ATRIP: variants seen among roughly 807,000 people sequenced by gnomAD.
ATRIP encodes ATR interacting protein.
A neutral mutation model predicts 78.1 loss-of-function variants in ATRIP; 44 were observed. That is an observed-to-expected ratio of 0.56 (90% CI 0.44 to 0.72). The LOEUF (loss-of-function observed/expected upper bound fraction) is 0.72. ATRIP is among the 30% of genes least tolerant of loss of function. ATRIP has a pLI of 0.00. For missense variants in ATRIP, 927 were observed against 980.2 expected (o/e 0.95, Z 0.72); for synonymous variants, 388 against 408.9 (o/e 0.95, Z 0.62).
chr3:48,448,518 A>G (rs1356916439), intron 1 of ATRIP, among the ~76,000 whole-genome samples: 1 of 152,176 alleles, frequency 6.6e-6, no homozygotes, highest in Non-Finnish European at 1.5e-5. Flanking sequence ...ATAATTTCTT[A>G]TTTCTTCTAG....
intron 2 of ATRIP, chr3:48,450,560 AT>A (rs1297261824): frequency 7.8e-7 from 1 of 1,280,024 alleles, no homozygotes; most frequent in East Asian, 5.6e-5. Flanking sequence ...AATATGTGGA[AT>A]TTTAGTTGTG....
Position 48,464,633 on chromosome 3 carries a change from A to G in ATRIP, c.2026A>G (p.Thr676Ala). 1 of 1,614,146 alleles carries G rather than the reference A, an allele frequency of 6.2e-7. No homozygotes were observed. Among genetic ancestry groups the G allele is most frequent in the Non-Finnish European group, 8.5e-7 (1 of 1,180,008 alleles). ...LGVQSPLPPVTGSNCQCNVEV... is the reference protein window; with the variant it reads ...LGVQSPLPPVAGSNCQCNVEV... Reference sequence around the variant, plus strand: ...TGTGCAGAGCCCCTTGCCCCCAGTCACTGGCTCCAACTGCCAGTGTAATGT... The same window carrying G: ...TGTGCAGAGCCCCTTGCCCCCAGTCGCTGGCTCCAACTGCCAGTGTAATGT... Residue 676 changes from threonine (T) to alanine (A), a missense_variant, in exon 11 of 13, where the codon ACT becomes GCT. Physicochemically the swap from Thr to Ala is moderately conservative, Grantham distance 58. Coordinates refer to ENST00000320211, the MANE Select transcript of ATRIP (RefSeq NM_130384.3).
In ATRIP at chr3:48,464,941, C is replaced by T; in HGVS notation, c.2166C>T (p.Asp722=). ...QQRRTVRCLR[D]TVLLLHGLSQ... ...GGCGGACAGTGCGCTGTCTGCGGGA[C>T]ACGGTGCTGCTGCTGCACGGCCTAT... is the stretch of plus-strand genomic sequence containing the variant. The change falls in exon 12 of 13, where the codon GAC becomes GAT. Residue 722 remains aspartate (D), a synonymous_variant. Transcript: ENST00000320211. 6.2e-7 allele frequency: 1 copy of T among 1,614,158 alleles called. No homozygotes were observed. The highest frequency in any genetic ancestry group is 8.5e-7 in the Non-Finnish European group (1 of 1,180,018).
In ATRIP at chr3:48,465,406, C is replaced by T. The variant is rs532795461; in HGVS notation, c.2309-81C>T. 2.4e-4 allele frequency: 332 copies of T among 1,408,448 alleles called. 2 individuals are homozygous for T. The African/African-American group carries it at 4.1e-3, about 18-fold the overall frequency. The allele number at this position is 1,408,448 out of a possible 1,614,324, so 87.2% of individuals were successfully genotyped here. A position where few individuals can be genotyped will look rare whatever the true frequency, so the allele number is the denominator to read the frequency against. ...GAAGGGACTGGTTAGTTCCTGCGGACGTTGGGGGAGGAGAGGTGGGACCTG... is the reference window on the plus strand; with the variant it reads ...GAAGGGACTGGTTAGTTCCTGCGGATGTTGGGGGAGGAGAGGTGGGACCTG... On this transcript the variant is annotated intron_variant, in intron 12 of 12. Transcript: ENST00000320211.
At chr3:48,463,605 C>T (rs757722760) in intron 8 of ATRIP, 140 bp from the exon 9 acceptor site, 7 of 1,233,908 alleles carry the variant, frequency 5.7e-6, no homozygotes, top group Middle Eastern at 2.1e-4. Context: ...CAGGCCAGCA[C>T]TGAAACCCAA....
At chr3:48,447,641 G>A (rs2039714513) in intron 1 of ATRIP, 1 of 679,530 alleles carries the variant, frequency 1.5e-6, no homozygotes, top group Non-Finnish European at 1.8e-6. Context: ...CCTTCATGGA[G>A]CTTACATTCT....
chr3:48,448,380 A>G (rs1254331950), intron 1 of ATRIP, among the ~76,000 whole-genome samples: 1 of 152,172 alleles, frequency 6.6e-6, no homozygotes, highest in African/African-American at 2.4e-5. Context: ...GGGTTTCGCC[A>G]TGTTGGCCAG....
Position 48,449,424 on chromosome 3 carries a change from AAAAAAAAAAAG to A in ATRIP, c.248-610_248-600del, listed in dbSNP as rs1420710080. Among the ~76,000 whole-genome samples, 8 of 150,446 alleles carry A rather than the reference AAAAAAAAAAAG, an allele frequency of 5.3e-5. No homozygotes were observed. The East Asian group carries it at 1.4e-3, about 26-fold the overall frequency. ...GCGAGACTCTGTCTCAAAAAAAAAA[AAAAAAAAAAAG>A]AAGGATCATTTATGAGTTTGAACCA... On this transcript the variant is annotated intron_variant, in intron 1 of 12. Coordinates refer to ENST00000320211, the MANE Select transcript of ATRIP (RefSeq NM_130384.3).
In ATRIP at chr3:48,464,563, C is replaced by A; in HGVS notation, c.1975-19C>A. The A allele has an allele frequency of 1.2e-6, 2 of 1,613,680 alleles. No homozygotes were observed. Among genetic ancestry groups the A allele is most frequent in the Non-Finnish European group, 1.7e-6 (2 of 1,179,588 alleles). On this transcript the variant is annotated intron_variant, in intron 10 of 12. Coordinates refer to ENST00000320211, the MANE Select transcript of ATRIP (RefSeq NM_130384.3). ...GGTCTCCTTCTGCCCAGGATGGAAC[C>A]AATCTGTTCTTGTTCTAGGTGGTGT...
intron 3 of ATRIP, among the ~76,000 whole-genome samples, chr3:48,452,326 A>C (rs115969940): frequency 0.014 from 2,089 of 152,206 alleles, 38 homozygotes; most frequent in African/African-American, 0.047. Context: ...CAGGCTCTAT[A>C]CTTATGGTAG....
chr3:48,466,799 C>T lies in ATRIP; in HGVS notation c.*1245C>T, dbSNP rs781060789. The T allele has an allele frequency of 2.5e-6, 4 of 1,613,962 alleles. No homozygotes were observed. Among genetic ancestry groups the T allele is most frequent in the East Asian group, 2.2e-5 (1 of 44,874 alleles). On this transcript the variant is annotated 3_prime_UTR_variant, in exon 13 of 13. Transcript: ENST00000320211. ...ACAGATGTGCCCTGGAGAGCCCCCC[C>T]ACCTCTCAGGGGCCACCTCCCACAG...
At position 48,451,750 on chromosome 3, in the gene ATRIP, G is replaced by T. The variant is rs1218138299; in HGVS notation, c.403G>T (p.Val135Phe). The change falls in exon 3 of 13, where the codon GTT becomes TTT. Residue 135 changes from valine (V) to phenylalanine (F), a missense_variant. Physicochemically the swap from Val to Phe is conservative, Grantham distance 50. Coordinates refer to ENST00000320211, the MANE Select transcript of ATRIP (RefSeq NM_130384.3). ...ACAGATGAAAGTAATGGAAGAAGAA[G>T]TTCTCATTAAGAATGGAGAAATTAA... ...KEKMKVMEEE[V>F]LIKNGEIKIL... 1 of 1,597,130 alleles carries T rather than the reference G, an allele frequency of 6.3e-7. No individual in the cohort carries two copies. Among genetic ancestry groups the T allele is most frequent in the Non-Finnish European group, 8.5e-7 (1 of 1,171,686 alleles).
rs559355217 is a variant in ATRIP, at chr3:48,455,847, G to A, written c.672-1412G>A. On this transcript the variant is annotated intron_variant, in intron 4 of 12. Transcript: ENST00000320211. The stretch of plus-strand genomic sequence containing the variant: ...ATCGTTTGTTCCACATTGGCTGGGT[G>A]CAGTGGCTCACACCTGTAATCCCAA... Among the ~76,000 whole-genome samples the A allele has an allele frequency of 1.7e-3, 255 of 152,078 alleles. 1 individual carries two copies. The highest frequency in any genetic ancestry group is 2.9e-3 in the Non-Finnish European group (197 of 67,960).
chr3:48,456,600 C>CA (rs1206195014), intron 4 of ATRIP, among the ~76,000 whole-genome samples: 1,213 of 66,124 alleles, frequency 0.018, 8 homozygotes, highest in Non-Finnish European at 0.027. Context: ...CCTGTCTCAC[C>CA]AAAAAAAAAA....
At chr3:48,450,589 A>ATTTTTTTT in intron 2 of ATRIP, 2 of 986,130 alleles carry the variant, frequency 2.0e-6, no homozygotes, top group Non-Finnish European at 1.3e-6. Flanking sequence ...TGTGACCCAG[A>ATTTTTTTT]TTTTTTTTTT....
At chr3:48,464,232 C>A in intron 10 of ATRIP, 100 bp downstream of exon 10, 1 of 1,111,456 alleles carries the variant, frequency 9.0e-7, no homozygotes, top group Non-Finnish European at 1.3e-6. Flanking sequence ...AGCTTTAATT[C>A]ATTTTAGTAA....
intron 4 of ATRIP, among the ~76,000 whole-genome samples, chr3:48,456,154 T>C (rs960193847): frequency 3.3e-5 from 5 of 151,846 alleles, no homozygotes; most frequent in Non-Finnish European, 7.4e-5. Flanking sequence ...ATTGAAAAGA[T>C]GTTTTGCACC....
rs554411551 is a variant in ATRIP at position 48,459,362 on chromosome 3, G to C, written c.833G>C (p.Ser278Thr). 2.3e-5 allele frequency: 37 copies of C among 1,613,598 alleles called. No homozygotes were observed. The South Asian group carries it at 4.1e-4, about 18-fold the overall frequency. ...GYKPLVGRED[S>T]KPHSLRGDSI... ...TTTACATTTTATCACATTTCAGATAGTAAGCCCCACAGTCTGAGAGGTGAC... is the reference window on the plus strand; with the variant it reads ...TTTACATTTTATCACATTTCAGATACTAAGCCCCACAGTCTGAGAGGTGAC... Residue 278 changes from serine (S) to threonine (T), a missense_variant, in exon 6 of 13, where the codon AGT (serine) becomes ACT (threonine). Coordinates refer to ENST00000320211, the MANE Select transcript of ATRIP (RefSeq NM_130384.3).
chr3:48,458,901 A>G (rs7650529), intron 5 of ATRIP, among the ~76,000 whole-genome samples: 3,257 of 152,334 alleles, frequency 0.021, 108 homozygotes, highest in African/African-American at 0.07. Flanking sequence ...AGTAGAGCCC[A>G]GTAGCCTGGA....
Sources: allele counts gnomAD v4.1 joint callset (sites outside exome capture counted in the v4.1 genomes callset), GRCh38; gene constraint gnomAD v4.1.1; transcripts MANE v1.5; gene names NCBI Gene and HGNC (gene_info 2026-07-23, HGNC 2026-07-21).